The following ADARB2 variants were observed in gnomAD, a reference collection of about 807,000 sequenced individuals.
The protein encoded by ADARB2 is adenosine deaminase RNA specific B2 (inactive), also known as inactive double-stranded RNA-specific editase B2.
A neutral mutation model predicts 62.2 loss-of-function variants in ADARB2; 25 were observed. That is an observed-to-expected ratio of 0.40 (90% CI 0.29 to 0.56). The LOEUF is 0.56. ADARB2 is among the 20% of genes least tolerant of loss of function. ADARB2 has a pLI of 0.43. For synonymous variants in ADARB2, 572 were observed against 500.8 expected (o/e 1.14, Z -1.90); for missense variants, 1,071 against 1,077.4 (o/e 0.99, Z 0.08).
intron 1 of ADARB2, among the ~76,000 whole-genome samples, chr10:1,455,224 T>G (rs781501989): frequency 1.2e-4 from 19 of 152,234 alleles, no homozygotes; most frequent in Non-Finnish European, 2.5e-4. Context: ...GACCAGATGC[T>G]TCCCTGTTCT....
In ADARB2 at chr10:1,704,604, G is replaced by A. The variant is rs1834864113; in HGVS notation, c.100+32447C>T. On this transcript the variant is annotated intron_variant, in intron 1 of 9. Transcript: ENST00000381312. This position sits in a 1 kb window ranked among gnomAD's most constrained non-coding sequence, Gnocchi z 5.6. ...GCAGCCCAGCTCCTAACAGGTCCTG[G>A]ACCAGTACCAGTCCTTGGCCCGGGG... is the stretch of plus-strand genomic sequence containing the variant. Among the ~76,000 whole-genome samples the A allele has an allele frequency of 4.6e-5, 7 of 152,178 alleles. No individual in the cohort carries two copies.
chr10:1,484,622 G>A (rs1248061700), intron 1 of ADARB2, among the ~76,000 whole-genome samples: 4 of 152,218 alleles, frequency 2.6e-5, no homozygotes, highest in Admixed American at 1.3e-4. Context: ...GGACCTCTGG[G>A]AAATGCTATG....
At chr10:1,218,258 C>T (rs1302723176) in intron 6 of ADARB2, among the ~76,000 whole-genome samples, 1 of 152,116 alleles carries the variant, frequency 6.6e-6, no homozygotes, top group Non-Finnish European at 1.5e-5. Flanking sequence ...GCCATGTTGG[C>T]TAGGCTGGTC....
intron 1 of ADARB2, among the ~76,000 whole-genome samples, chr10:1,691,043 A>G (rs774455697): frequency 5.9e-5 from 9 of 152,092 alleles, no homozygotes; most frequent in African/African-American, 2.4e-5. Flanking sequence ...TGTCCCCCCA[A>G]ATTCCCATGC....
At chr10:1,432,812 G>A (rs965236338) in intron 1 of ADARB2, among the ~76,000 whole-genome samples, 5 of 152,032 alleles carry the variant, frequency 3.3e-5, no homozygotes, top group African/African-American at 1.2e-4. Flanking sequence ...TGTCCTTGGG[G>A]AGATGGTCAC....
At chr10:1,206,515 AGAGAACTGCGGG>A (rs1564220086) in intron 7 of ADARB2, among the ~76,000 whole-genome samples, 11 of 150,428 alleles carry the variant, frequency 7.3e-5, no homozygotes, top group Non-Finnish European at 1.3e-4. Context: ...GTGTGGTCTG[AGAGAACTGCGGG>A]GTCTCCTCCT....
intron 3 of ADARB2, among the ~76,000 whole-genome samples, chr10:1,317,414 G>T (rs536521198): frequency 1.3e-5 from 2 of 152,274 alleles, no homozygotes; most frequent in South Asian, 4.1e-4. Flanking sequence ...TTCGTAAGTT[G>T]TTGTACGGAT....
At chr10:1,657,572 T>C (rs555696142) in intron 1 of ADARB2, among the ~76,000 whole-genome samples, 1 of 152,300 alleles carries the variant, frequency 6.6e-6, no homozygotes, top group South Asian at 2.1e-4. Context: ...AGGTCTCCCA[T>C]TTCTGGAGTC....
intron 1 of ADARB2, among the ~76,000 whole-genome samples, chr10:1,557,646 G>A (rs893518209): frequency 6.6e-6 from 1 of 152,156 alleles, no homozygotes; most frequent in Non-Finnish European, 1.5e-5. Context: ...GCTCACACCT[G>A]TAATCCCAGC....
chr10:1,618,375 A>G (rs1438143245), intron 1 of ADARB2, among the ~76,000 whole-genome samples: 2 of 152,238 alleles, frequency 1.3e-5, no homozygotes, highest in African/African-American at 4.8e-5. Context: ...AATAAGTCCA[A>G]TAATGCTTCA....
chr10:1,585,091 A>G (rs1251001027), intron 1 of ADARB2, among the ~76,000 whole-genome samples: 1 of 152,160 alleles, frequency 6.6e-6, no homozygotes, highest in Admixed American at 6.5e-5. Context: ...GCTATGGTGA[A>G]CCCTAATGTA....
At chr10:1,456,645 T>C (rs1470490432) in intron 1 of ADARB2, among the ~76,000 whole-genome samples, 1 of 152,230 alleles carries the variant, frequency 6.6e-6, no homozygotes, top group Non-Finnish European at 1.5e-5. Context: ...CATCAAGGTG[T>C]GCTCGAGACG....
chr10:1,368,342 G>A (rs534619952), intron 2 of ADARB2, among the ~76,000 whole-genome samples: 3 of 152,234 alleles, frequency 2.0e-5, no homozygotes, highest in South Asian at 2.1e-4. Context: ...AACATGGGAC[G>A]CATTTTGAAA....
intron 1 of ADARB2, among the ~76,000 whole-genome samples, chr10:1,661,898 T>TG (rs1396943936): frequency 6.6e-6 from 1 of 152,094 alleles, no homozygotes; most frequent in Non-Finnish European, 1.5e-5. Context: ...GCACTGCTGC[T>TG]GGGGAGGGAA....
chr10:1,438,362 T>TGGGTGGA (rs1564289054), intron 1 of ADARB2, among the ~76,000 whole-genome samples: 32 of 129,114 alleles, frequency 2.5e-4, no homozygotes, highest in African/African-American at 7.6e-4. Context: ...CTGAGTCTCC[T>TGGGTGGA]CAGCAGATGG....
chr10:1,324,694 G>A (rs750942830), intron 3 of ADARB2, among the ~76,000 whole-genome samples: 2 of 152,126 alleles, frequency 1.3e-5, no homozygotes, highest in African/African-American at 4.8e-5. Context: ...TTATAGAAAT[G>A]GAGAACAGAC....
chr10:1,283,628 G>A (rs1831388488), intron 3 of ADARB2, among the ~76,000 whole-genome samples: 2 of 152,142 alleles, frequency 1.3e-5, no homozygotes, highest in South Asian at 4.1e-4. Context: ...TTGGTGGAGT[G>A]TTGATGATCG....
At chr10:1,392,816 C>A (rs921888813) in intron 1 of ADARB2, among the ~76,000 whole-genome samples, 2 of 152,166 alleles carry the variant, frequency 1.3e-5, no homozygotes, top group Non-Finnish European at 2.9e-5. Context: ...ACGGAGGTGG[C>A]CTGCGGTGTC....
chr10:1,215,477 C>G (rs1284998766), intron 7 of ADARB2, among the ~76,000 whole-genome samples: 1 of 152,218 alleles, frequency 6.6e-6, no homozygotes, highest in African/African-American at 2.4e-5. Context: ...CCTGGCCCTC[C>G]CCACTCAGCC....
Sources: allele counts gnomAD v4.1 joint callset (sites outside exome capture counted in the v4.1 genomes callset), GRCh38; gene constraint gnomAD v4.1.1; non-coding constraint Gnocchi (gnomAD v3.1); transcripts MANE v1.5; gene names NCBI Gene and HGNC (gene_info 2026-07-23, HGNC 2026-07-21).